The following CDC73 variants were observed in gnomAD, a reference collection of about 807,000 sequenced individuals.
CDC73 encodes cell division cycle 73.
A neutral mutation model predicts 83.7 loss-of-function variants in CDC73; 21 were observed. The ratio of observed to expected loss-of-function variants is 0.25; its 90% CI spans 0.18 to 0.36. The LOEUF is 0.36. CDC73 is among the 10% of genes least tolerant of loss of function. The probability of loss-of-function intolerance (pLI) is 1.00; values close to 1 mark genes in which losing one functional copy is unlikely to be tolerated. For missense variants in CDC73, 342 were observed against 653.3 expected (o/e 0.52, Z 5.19); for synonymous variants, 224 against 212.9 (o/e 1.05, Z -0.45).
At chr1:193,234,197 A>T (rs1000496789) in intron 14 of CDC73, among the ~76,000 whole-genome samples, 1,435 of 133,246 alleles carry the variant, frequency 0.011, 13 homozygotes, top group South Asian at 0.028. Context: ...ACACACACAC[A>T]CACACACACA....
intron 10 of CDC73, among the ~76,000 whole-genome samples, chr1:193,154,518 G>T (rs566686832): frequency 6.6e-6 from 1 of 152,304 alleles, no homozygotes; most frequent in South Asian, 2.1e-4. Flanking sequence ...GAAAAGAGAG[G>T]TGAACTTAAG....
intron 15 of CDC73, among the ~76,000 whole-genome samples, chr1:193,243,340 C>T (rs765348244): frequency 9.9e-5 from 15 of 152,012 alleles, no homozygotes; most frequent in Non-Finnish European, 1.5e-4. Context: ...AAGTTTGTTT[C>T]GCATCATTGC....
intron 13 of CDC73, 127 bp from the exon 14 acceptor site, chr1:193,232,866 G>T: frequency 1.4e-6 from 1 of 733,106 alleles, no homozygotes; most frequent in Non-Finnish European, 2.3e-6. Flanking sequence ...TTGCACCACT[G>T]CACTCTAGCC....
Position 193,122,111 on chromosome 1 carries a change from G to A in CDC73, c.-90G>A, listed in dbSNP as rs2103111290. The stretch of plus-strand genomic sequence containing the variant: ...GGTTCGTCGCGGCGGCGAAGGAGGA[G>A]GAGGAAGAGGGCGAGGCGACAAGAG... On this transcript the variant is annotated 5_prime_UTR_variant, in exon 1 of 17. Coordinates refer to ENST00000367435, the MANE Select transcript of CDC73 (RefSeq NM_024529.5). The A allele has an allele frequency of 7.6e-7, 1 of 1,309,594 alleles. No homozygotes were observed. The highest frequency in any genetic ancestry group is 1.1e-6 in the Non-Finnish European group (1 of 910,146). 81.1% of individuals were successfully genotyped at this position (1,309,594 alleles called of 1,614,324 possible).
intron 10 of CDC73, among the ~76,000 whole-genome samples, chr1:193,162,539 A>G (rs529965104): frequency 3.3e-5 from 5 of 151,008 alleles, no homozygotes; most frequent in African/African-American, 7.3e-5. Flanking sequence ...CGGCCTGGCA[A>G]TTTTTTGTAT....
intron 10 of CDC73, among the ~76,000 whole-genome samples, chr1:193,167,826 T>C (rs1366427095): frequency 6.6e-6 from 1 of 152,138 alleles, no homozygotes; most frequent in East Asian, 1.9e-4. Context: ...CATCTGATTT[T>C]ATTGTACATT....
chr1:193,249,849 C>T lies in CDC73; in HGVS notation c.1537C>T (p.Arg513Trp), dbSNP rs1060500011. 3.1e-6 allele frequency: 5 copies of T among 1,612,268 alleles called. No individual in the cohort carries two copies. The highest frequency in any genetic ancestry group is 1.3e-5 in the African/African-American group (1 of 74,900). ...KRHLDRPVFL[R>W]FWETLDRYMV... Reference sequence around the variant, plus strand: ...TCATTTGGATAGACCAGTGTTCTTACGGTTTTGGGAAACATTGGACAGGTA... The same window carrying T: ...TCATTTGGATAGACCAGTGTTCTTATGGTTTTGGGAAACATTGGACAGGTA... Residue 513 changes from arginine (R) to tryptophan (W), a missense_variant, in exon 16 of 17, where the codon CGG becomes TGG. This residue lies in a region of CDC73 where 239 missense variants were observed against 420.6 expected (regional missense o/e 0.57). Coordinates refer to ENST00000367435, the MANE Select transcript of CDC73 (RefSeq NM_024529.5).
At chr1:193,204,169 TTA>T (rs1221234271) in intron 11 of CDC73, among the ~76,000 whole-genome samples, 25 of 149,052 alleles carry the variant, frequency 1.7e-4, no homozygotes, top group South Asian at 1.1e-3. Context: ...ATTTTGTTTT[TTA>T]TATATATATA....
chr1:193,249,128 A>G (rs1678002258), intron 15 of CDC73, among the ~76,000 whole-genome samples: 1 of 152,054 alleles, frequency 6.6e-6, no homozygotes, highest in Non-Finnish European at 1.5e-5. Flanking sequence ...AGAAATCGCT[A>G]CAGCCACCCT....
chr1:193,193,742 T>C (rs1375826491), intron 10 of CDC73, among the ~76,000 whole-genome samples: 2 of 151,588 alleles, frequency 1.3e-5, no homozygotes, highest in Non-Finnish European at 2.9e-5. Context: ...GTCTCCAGAA[T>C]TTATAACGTT....
intron 10 of CDC73, 60 bp from the exon 11 acceptor site, chr1:193,203,735 T>A: frequency 2.3e-6 from 3 of 1,278,676 alleles, no homozygotes; most frequent in Non-Finnish European, 3.4e-6. Context: ...TTGGAATAAT[T>A]AAAGTGTTTA....
At chr1:193,243,720 G>A (rs1450391853) in intron 15 of CDC73, among the ~76,000 whole-genome samples, 1 of 152,068 alleles carries the variant, frequency 6.6e-6, no homozygotes, top group Non-Finnish European at 1.5e-5. Context: ...TACTTTGAAA[G>A]TAAGTTTCTT....
intron 13 of CDC73, among the ~76,000 whole-genome samples, chr1:193,218,020 A>G (rs1431923726): frequency 6.6e-6 from 1 of 152,214 alleles, no homozygotes; most frequent in African/African-American, 2.4e-5. Flanking sequence ...TCTCTACCTA[A>G]AGATTCCTAG....
At chr1:193,240,413 T>G (rs573088099) in intron 15 of CDC73, among the ~76,000 whole-genome samples, 1 of 152,320 alleles carries the variant, frequency 6.6e-6, no homozygotes, top group East Asian at 1.9e-4. Flanking sequence ...GTAGTTCTGT[T>G]TTTAGTTTTG....
chr1:193,148,291 C>A (rs966314306), intron 8 of CDC73, among the ~76,000 whole-genome samples: 3 of 152,204 alleles, frequency 2.0e-5, no homozygotes, highest in African/African-American at 7.2e-5. Context: ...TTGTTAATAA[C>A]ATAAATCCCT....
chr1:193,135,658 G>C (rs1675780353), intron 5 of CDC73, 69 bp downstream of exon 5: 1 of 1,256,810 alleles, frequency 8.0e-7, no homozygotes, highest in East Asian at 2.5e-5. Flanking sequence ...TAGTAACAAG[G>C]ATTCTTTGAT....
At chr1:193,222,597 T>C (rs1677491593) in intron 13 of CDC73, among the ~76,000 whole-genome samples, 1 of 152,210 alleles carries the variant, frequency 6.6e-6, no homozygotes, top group East Asian at 1.9e-4. Flanking sequence ...ATCTGTTCCG[T>C]GTGGTTATTT....
intron 10 of CDC73, among the ~76,000 whole-genome samples, chr1:193,157,369 A>G (rs1656082983): frequency 6.6e-6 from 1 of 152,206 alleles, no homozygotes; most frequent in South Asian, 2.1e-4. Context: ...CTCTTTTAGC[A>G]TGCTTCTGAT....
At chr1:193,201,484 G>GT (rs1258368819) in intron 10 of CDC73, among the ~76,000 whole-genome samples, 1 of 152,132 alleles carries the variant, frequency 6.6e-6, no homozygotes, top group Middle Eastern at 3.2e-3. Flanking sequence ...GTAGCTAGTG[G>GT]TTTTAACAGC....
Sources: gnomAD v4.1 joint callset for allele counts (sites outside exome capture counted in the v4.1 genomes callset) on GRCh38, gnomAD v4.1.1 for gene constraint, gnomAD v4.1.1 regional missense constraint, MANE v1.5 for transcripts, NCBI Gene and HGNC (gene_info 2026-07-23, HGNC 2026-07-21) for gene names.